SYNPR: variants seen among roughly 807,000 people sequenced by gnomAD.
SYNPR encodes the protein synaptoporin.
Under a neutral mutation model 32.9 loss-of-function variants are expected in SYNPR, and 23 were observed. The observed-to-expected ratio is 0.70, with a 90% CI of 0.50 to 0.99. SYNPR has a LOEUF of 0.99. Among genes scored for constraint, SYNPR ranks in the 50% least tolerant of loss-of-function variants. The probability of loss-of-function intolerance (pLI) is 0.00; values close to 1 mark genes in which losing one functional copy is unlikely to be tolerated. For synonymous variants in SYNPR, 146 were observed against 135.9 expected, an observed-to-expected ratio of 1.07 and a Z score of -0.52; for missense variants, 318 against 349.3, an observed-to-expected ratio of 0.91 and a Z score of 0.71.
intron 4 of SYNPR, among the ~76,000 whole-genome samples, chr3:63,597,250 A>T (rs557402627): frequency 6.6e-6 from 1 of 152,154 alleles, no homozygotes; most frequent in African/African-American, 2.4e-5. Context: ...TCATTTTTAA[A>T]ATTTAAATAA....
At chr3:63,598,465 G>A (rs1699993099) in intron 4 of SYNPR, among the ~76,000 whole-genome samples, 1 of 152,224 alleles carries the variant, frequency 6.6e-6, no homozygotes, top group Non-Finnish European at 1.5e-5. Context: ...GATTGAGGAA[G>A]CTGTTTCTTG....
intron 3 of SYNPR, among the ~76,000 whole-genome samples, chr3:63,535,598 G>A (rs926995126): frequency 6.6e-6 from 1 of 152,068 alleles, no homozygotes; most frequent in African/African-American, 2.4e-5. Flanking sequence ...GACCAATGGA[G>A]AAGAACTGGT....
the SYNPR span, among the ~76,000 whole-genome samples, chr3:63,211,322 C>T: frequency 2.0e-5 from 3 of 152,196 alleles, no homozygotes; most frequent in East Asian, 3.8e-4. Flanking sequence ...CTGCCTCAGC[C>T]TCCCAAACTG....
chr3:63,468,515 A>ACACACACACACACACACACACACAC (rs1559508057), intron 2 of SYNPR, among the ~76,000 whole-genome samples: 2 of 151,842 alleles, frequency 1.3e-5, no homozygotes, highest in African/African-American at 4.8e-5. Flanking sequence ...ACACACACAC[A>ACACACACACACACACACACACACAC]AATGCTTAAG....
chr3:63,399,252 G>T (rs1297365741), intron 2 of SYNPR, among the ~76,000 whole-genome samples: 1 of 152,066 alleles, frequency 6.6e-6, no homozygotes, highest in Non-Finnish European at 1.5e-5. Context: ...GTCCCTTCTG[G>T]CTGCTACAAC....
chr3:63,479,076 G>A (rs975021315), intron 2 of SYNPR, among the ~76,000 whole-genome samples: 11 of 152,096 alleles, frequency 7.2e-5, no homozygotes, highest in African/African-American at 1.2e-4. Flanking sequence ...ATTGTGGAGC[G>A]ACCTAGAATA....
chr3:63,305,320 T>G (rs2086899433), intron 2 of SYNPR, among the ~76,000 whole-genome samples: 1 of 152,056 alleles, frequency 6.6e-6, no homozygotes, highest in Non-Finnish European at 1.5e-5. Flanking sequence ...AAACTAGTAC[T>G]TAATCCCTGA....
At chr3:63,512,396 AAAATCTAT>A (rs1701713620) in intron 3 of SYNPR, among the ~76,000 whole-genome samples, 1 of 152,148 alleles carries the variant, frequency 6.6e-6, no homozygotes, top group Non-Finnish European at 1.5e-5. Flanking sequence ...CCTAATCCCT[AAAATCTAT>A]AAATATGTTA....
chr3:63,319,360 T>A (rs1454667877), intron 2 of SYNPR, among the ~76,000 whole-genome samples: 1 of 152,104 alleles, frequency 6.6e-6, no homozygotes, highest in African/African-American at 2.4e-5. Flanking sequence ...GGTAATGTGA[T>A]GTCTCTAGCT....
chr3:63,329,095 C>CA (rs2087197036), intron 2 of SYNPR, among the ~76,000 whole-genome samples: 1 of 152,150 alleles, frequency 6.6e-6, no homozygotes. Context: ...AAGAAAAACA[C>CA]ACTTTCTCTC....
chr3:63,394,147 T>C (rs2088180026), intron 2 of SYNPR, among the ~76,000 whole-genome samples: 1 of 152,198 alleles, frequency 6.6e-6, no homozygotes, highest in South Asian at 2.1e-4. Context: ...TTTGCTCCAC[T>C]TCCAAATGAG....
intron 4 of SYNPR, among the ~76,000 whole-genome samples, chr3:63,558,360 G>C (rs1308626157): frequency 6.6e-6 from 1 of 152,100 alleles, no homozygotes; most frequent in East Asian, 1.9e-4. Flanking sequence ...ATTTTATTGA[G>C]GCAGAGTCTC....
At chr3:63,356,557 T>C (rs6805744) in intron 2 of SYNPR, among the ~76,000 whole-genome samples, 20 of 152,232 alleles carry the variant, frequency 1.3e-4, no homozygotes, top group African/African-American at 4.3e-4. Context: ...TCAGCAGTGG[T>C]GTCTTCCCTG....
At chr3:63,390,733 C>A (rs2088121795) in intron 2 of SYNPR, among the ~76,000 whole-genome samples, 1 of 152,160 alleles carries the variant, frequency 6.6e-6, no homozygotes, top group Non-Finnish European at 1.5e-5. Flanking sequence ...TGCACCCCTC[C>A]TCGGGGCCTT....
At chr3:63,451,479 A>C (rs1700379072) in intron 2 of SYNPR, among the ~76,000 whole-genome samples, 1 of 152,180 alleles carries the variant, frequency 6.6e-6, no homozygotes, top group Non-Finnish European at 1.5e-5. Flanking sequence ...ATATGTATAA[A>C]GCCATTCCCT....
chr3:63,594,392 A>C (rs1699896778), intron 4 of SYNPR, among the ~76,000 whole-genome samples: 1 of 152,182 alleles, frequency 6.6e-6, no homozygotes, highest in Non-Finnish European at 1.5e-5. Flanking sequence ...TAAATGAGTA[A>C]TGCGTGGAAT....
chr3:63,307,445 A>C (rs909254444), intron 2 of SYNPR, among the ~76,000 whole-genome samples: 1 of 152,002 alleles, frequency 6.6e-6, no homozygotes, highest in South Asian at 2.1e-4. Flanking sequence ...TAATTCCTTC[A>C]TTCCTTAATG....
chr3:63,357,144 T>A (rs2107027610), intron 2 of SYNPR, among the ~76,000 whole-genome samples: 1 of 152,322 alleles, frequency 6.6e-6, no homozygotes, highest in East Asian at 1.9e-4. Flanking sequence ...GTTGGGTTTC[T>A]CAGCTTTATC....
chr3:63,523,418 C>A (rs1177687737), intron 3 of SYNPR, among the ~76,000 whole-genome samples: 1 of 152,144 alleles, frequency 6.6e-6, no homozygotes, highest in Non-Finnish European at 1.5e-5. Flanking sequence ...CAGTTGGCTG[C>A]ATTCTTTGAA....
Sources: gnomAD v4.1 joint callset for allele counts (sites outside exome capture counted in the v4.1 genomes callset) on GRCh38, gnomAD v4.1.1 for gene constraint, MANE v1.5 for transcripts, NCBI Gene and HGNC (gene_info 2026-07-23, HGNC 2026-07-21) for gene names.